The following IGSF9 variants were observed in gnomAD, a reference collection of about 807,000 sequenced individuals.
IGSF9 encodes protein turtle homolog A.
IGSF9 carries 87 observed loss-of-function variants against 121.7 expected under a neutral mutation model. The ratio of observed to expected loss-of-function variants is 0.71; its 90% CI spans 0.60 to 0.85. The LOEUF (loss-of-function observed/expected upper bound fraction) is 0.85. Among genes scored for constraint, IGSF9 ranks in the 40% least tolerant of loss-of-function variants. IGSF9 has a pLI of 0.00. For synonymous variants in IGSF9, 640 were observed against 648.4 expected (o/e 0.99, Z 0.20); for missense variants, 1,462 against 1,565.3 (o/e 0.93, Z 1.11).
chr1:159,943,186 G>T, intron 2 of IGSF9, 35 bp from the exon 3 acceptor site: 3 of 1,554,188 alleles, frequency 1.9e-6, no homozygotes, highest in Non-Finnish European at 1.7e-6. Context: ...ACAACGGGGG[G>T]CTAGGGTCAG....
At position 159,931,245 on chromosome 1, in the gene IGSF9, A is replaced by C; in HGVS notation, c.1530T>G (p.Val510=). The C allele has an allele frequency of 6.2e-7, 1 of 1,614,102 alleles. No individual in the cohort carries two copies. Among genetic ancestry groups the C allele is most frequent in the Non-Finnish European group, 8.5e-7 (1 of 1,179,952 alleles). The stretch of plus-strand genomic sequence containing the variant: ...AAGCCACCACGGACACATTGGTGAC[A>C]ACATGAGGGCTAGTGCCTAGGCAGG... The part of the protein sequence containing the change: ...NVYVLGTSPH[V]VTNVSVVALP... Residue 510 remains valine, a synonymous_variant, in exon 13 of 21, where the codon GTT becomes GTG. Transcript: ENST00000368094. The surrounding 1 kb of genome is among the most constrained non-coding windows in gnomAD (Gnocchi z 4.8).
intron 3 of IGSF9, among the ~76,000 whole-genome samples, chr1:159,942,339 C>T (rs924539403): frequency 5.3e-5 from 8 of 152,224 alleles, no homozygotes; most frequent in African/African-American, 1.9e-4. Flanking sequence ...CAGCCCCATC[C>T]AGTCACTGAC....
rs906876689 is a variant in IGSF9 at position 159,929,668 on chromosome 1, C to G, written c.2296G>C (p.Ala766Pro). ...CGGAGGCGCTTGCGGCGGCGGCGGGCAGCCCTGCGCCGGTTCAGGAGGCAG... is the reference window on the plus strand; with the variant it reads ...CGGAGGCGCTTGCGGCGGCGGCGGGGAGCCCTGCGCCGGTTCAGGAGGCAG... The part of the protein sequence containing the change: ...AGCLLNRRRA[A>P]RRRRKRLRQD... The change falls in exon 17 of 21, where the codon GCC becomes CCC. Residue 766 changes from alanine (A) to proline (P), a missense_variant. Physicochemically the swap from Ala to Pro is conservative, Grantham distance 27. Coordinates refer to ENST00000368094, the MANE Select transcript of IGSF9 (RefSeq NM_001135050.2). The G allele has an allele frequency of 6.3e-7, 1 of 1,594,194 alleles. No homozygotes were observed. The highest frequency in any genetic ancestry group is 8.5e-7 in the Non-Finnish European group (1 of 1,172,208).
At chr1:159,937,176 T>C (rs1220097697) in intron 4 of IGSF9, among the ~76,000 whole-genome samples, 3 of 152,150 alleles carry the variant, frequency 2.0e-5, no homozygotes, top group African/African-American at 7.2e-5. Flanking sequence ...GGAGGAGCAC[T>C]GTTCTGGGAG....
At position 159,928,294 on chromosome 1, in the gene IGSF9, A is replaced by C. The variant is rs1290013874; in HGVS notation, c.3094T>G (p.Ser1032Ala). 4.3e-6 allele frequency: 7 copies of C among 1,612,220 alleles called. No individual in the cohort carries two copies. Among genetic ancestry groups the C allele is most frequent in the African/African-American group, 1.3e-5 (1 of 74,832 alleles). The change falls in exon 19 of 21, where the codon TCG (serine) becomes GCG (alanine). Residue 1032 changes from serine (S) to alanine (A), a missense_variant. Transcript: ENST00000368094. Reference sequence around the variant, plus strand: ...GCTGTGGAGGGGGGCCGCAGGAACGAAGCGCTGCCTCGCCCACTGCTCTGG... The same window carrying C: ...GCTGTGGAGGGGGGCCGCAGGAACGCAGCGCTGCCTCGCCCACTGCTCTGG... The part of the protein sequence containing the change: ...TSQSSGRGSA[S>A]FLRPPSTAPS...
At chr1:159,934,362 G>C (rs770891554) in intron 8 of IGSF9, 30 bp from the exon 9 acceptor site, 30 of 1,570,924 alleles carry the variant, frequency 1.9e-5, no homozygotes, top group Non-Finnish European at 2.5e-5. Flanking sequence ...AGTTGGGGGA[G>C]AGGGGCTTGG....
rs779372319 is a variant in IGSF9 at position 159,932,510 on chromosome 1, A to T, written c.1245+2T>A. 10 of 1,613,752 alleles carry T rather than the reference A, an allele frequency of 6.2e-6. No individual in the cohort carries two copies. Among genetic ancestry groups the T allele is most frequent in the Non-Finnish European group, 8.5e-6 (10 of 1,179,842 alleles). On this transcript the variant is annotated splice_donor_variant, in intron 10 of 20. Transcript: ENST00000368094. LOFTEE classifies it high-confidence loss of function. This position sits in a 1 kb window ranked among gnomAD's most constrained non-coding sequence, Gnocchi z 4.1. ...CAGGCCCCCGCCCACCCCCGGCCTAACCTTGAGCAGCACGCGGGTCACAGG... is the reference window on the plus strand; with the variant it reads ...CAGGCCCCCGCCCACCCCCGGCCTATCCTTGAGCAGCACGCGGGTCACAGG...
At chr1:159,933,190 C>G (rs1240208139) in intron 9 of IGSF9, 1 of 153,128 alleles carries the variant, frequency 6.5e-6, no homozygotes, top group Non-Finnish European at 1.5e-5. Context: ...TAACTCTCAC[C>G]TGGGCCATTT....
Position 159,931,549 on chromosome 1 carries a change from G to A in IGSF9, c.1417C>T (p.Leu473=). 6.2e-7 allele frequency: 1 copy of A among 1,614,150 alleles called. No homozygotes were observed. The highest frequency in any genetic ancestry group is 1.3e-5 in the African/African-American group (1 of 75,052). ...AQVDSNSSLI[L]RPLTKEAHGH... ...TGGGCCTCCTTGGTCAATGGTCGCAGGATGAGGCTGCTGTTGCTGTCCACC... is the reference window on the plus strand; with the variant it reads ...TGGGCCTCCTTGGTCAATGGTCGCAAGATGAGGCTGCTGTTGCTGTCCACC... The change falls in exon 12 of 21, where the codon CTG becomes TTG. Residue 473 remains leucine, a synonymous_variant. Transcript: ENST00000368094. This position sits in a 1 kb window ranked among gnomAD's most constrained non-coding sequence, Gnocchi z 4.8.
rs768482955 is a variant in IGSF9 at position 159,929,690 on chromosome 1, G to GCAGC, written c.2270_2273dup (p.Cys758TrpfsTer43). The GCAGC allele has an allele frequency of 1.9e-6, 3 of 1,597,730 alleles. No individual in the cohort carries two copies. Among genetic ancestry groups the GCAGC allele is most frequent in the Non-Finnish European group, 2.6e-6 (3 of 1,173,702 alleles). On this transcript the variant is annotated frameshift_variant, in exon 17 of 21. Transcript: ENST00000368094. LOFTEE classifies it high-confidence loss of function. ...GGGCAGCCCTGCGCCGGTTCAGGAG[G>GCAGC]CAGCCGGCCAGGATGCTCACAAGGA... is the stretch of plus-strand genomic sequence containing the variant.
At position 159,934,556 on chromosome 1, in the gene IGSF9, C is replaced by T. The variant is rs754716697; in HGVS notation, c.830G>A (p.Arg277Gln). ...NVFHISRLQP[R>Q]VRILVDGSLR... is the part of the protein sequence containing the mutation. ...GCTCCCGTCCACCAGGATCCGCACC[C>T]GGGGCTGCAGGCGGCTGCAATGTGG... The change falls in exon 8 of 21, where the codon CGG (arginine) becomes CAG (glutamine). Residue 277 changes from arginine (R) to glutamine (Q), a missense_variant. Arg to Gln is a conservative substitution (Grantham distance 43). Transcript: ENST00000368094. 5.0e-6 allele frequency: 8 copies of T among 1,613,834 alleles called. No individual in the cohort carries two copies. The highest frequency in any genetic ancestry group is 1.3e-5 in the African/African-American group (1 of 75,046).
At position 159,931,123 on chromosome 1, in the gene IGSF9, G is replaced by A. The variant is rs372486209; in HGVS notation, c.1637+15C>T. ...CAAGATTGGCACAGAGAAATGGCAG[G>A]AGCAGGTCACTCACAGTGGGGTGTA... On this transcript the variant is annotated intron_variant, in intron 13 of 20. Coordinates refer to ENST00000368094, the MANE Select transcript of IGSF9 (RefSeq NM_001135050.2). This position sits in a 1 kb window ranked among gnomAD's most constrained non-coding sequence, Gnocchi z 4.8. The A allele has an allele frequency of 5.3e-5, 85 of 1,613,950 alleles. No individual in the cohort carries two copies. The highest frequency in any genetic ancestry group is 6.8e-5 in the Non-Finnish European group (80 of 1,179,994).
chr1:159,928,452 T>A lies in IGSF9; in HGVS notation c.2936A>T (p.Glu979Val), dbSNP rs1215775493. ...SPETPPVSPRESLPGAVVGAG... is the reference protein window; with the variant it reads ...SPETPPVSPRVSLPGAVVGAG... Reference sequence around the variant, plus strand: ...CCCTACCACAGCCCCAGGAAGTGATTCCCTGGGGGATACAGGAGGGGTTTC... The same window carrying A: ...CCCTACCACAGCCCCAGGAAGTGATACCCTGGGGGATACAGGAGGGGTTTC... The change falls in exon 19 of 21, where the codon GAA becomes GTA. Residue 979 changes from glutamate (E) to valine (V), a missense_variant. Physicochemically the swap from Glu to Val is moderately radical, Grantham distance 121 (BLOSUM62 -2). This residue lies in a region of IGSF9 where 808 missense variants were observed against 815.2 expected (regional missense o/e 0.99). Transcript: ENST00000368094. The A allele has an allele frequency of 6.3e-7, 1 of 1,597,460 alleles. No individual in the cohort carries two copies. The highest frequency in any genetic ancestry group is 1.7e-5 in the Admixed American group (1 of 57,896).
rs1465878518 is a variant in IGSF9 at position 159,931,670 on chromosome 1, C to T, written c.1363-67G>A. 10 of 1,563,482 alleles carry T rather than the reference C, an allele frequency of 6.4e-6. No individual in the cohort carries two copies. Among genetic ancestry groups the T allele is most frequent in the Non-Finnish European group, 8.7e-6 (10 of 1,147,240 alleles). On this transcript the variant is annotated intron_variant, in intron 11 of 20. Coordinates refer to ENST00000368094, the MANE Select transcript of IGSF9 (RefSeq NM_001135050.2). The surrounding 1 kb of genome is among the most constrained non-coding windows in gnomAD (Gnocchi z 4.8). ...CCCTCACCAAAGGCGCCCCTCATCTCTCCAGGCAGCTCCAGTTCCTCCCCA... is the reference window on the plus strand; with the variant it reads ...CCCTCACCAAAGGCGCCCCTCATCTTTCCAGGCAGCTCCAGTTCCTCCCCA...
chr1:159,929,738 T>C lies in IGSF9; in HGVS notation c.2226A>G (p.Gly742=). The change falls in exon 17 of 21, where the codon GGA becomes GGG. Residue 742 remains glycine (G), a synonymous_variant. Transcript: ENST00000368094. ...GGACGGCCACTCCCAGAAAGCAGAC[T>C]CCGCCCACCACGCCGGCCAGCACGG... ...PQPVLAGVVG[G]VCFLGVAVLV... 1 of 1,602,120 alleles carries C rather than the reference T, an allele frequency of 6.2e-7. No individual in the cohort carries two copies. Among genetic ancestry groups the C allele is most frequent in the Non-Finnish European group, 8.5e-7 (1 of 1,175,292 alleles).
chr1:159,939,099 C>T (rs576894266), intron 3 of IGSF9, among the ~76,000 whole-genome samples: 2 of 152,304 alleles, frequency 1.3e-5, no homozygotes, highest in East Asian at 3.9e-4. Context: ...CTGCTGTCCT[C>T]ACCTTTACAC....
intron 4 of IGSF9, 101 bp downstream of exon 4, chr1:159,937,585 G>A: frequency 1.5e-6 from 2 of 1,358,728 alleles, no homozygotes; most frequent in Non-Finnish European, 2.1e-6. Flanking sequence ...GCTGTTTGTG[G>A]GATGGAAATA....
In IGSF9 at chr1:159,927,809, G is replaced by A; in HGVS notation, c.3309C>T (p.His1103=). 1.9e-6 allele frequency: 3 copies of A among 1,613,932 alleles called. No homozygotes were observed. The highest frequency in any genetic ancestry group is 1.7e-6 in the Non-Finnish European group (2 of 1,179,982). Reference sequence around the variant, plus strand: ...TGAGCCGGGAGCTGGCCAAGCCCAGGTGCAAAGTCTCCAGCAATTCCATGT... The same window carrying A: ...TGAGCCGGGAGCTGGCCAAGCCCAGATGCAAAGTCTCCAGCAATTCCATGT... ...PGDMELLETL[H]LGLASSRLRP... is the part of the protein sequence containing the mutation. The change falls in exon 20 of 21, where the codon CAC becomes CAT. Residue 1103 remains histidine, a synonymous_variant. Transcript: ENST00000368094.
Position 159,936,744 on chromosome 1 carries a change from C to G in IGSF9, c.555+10G>C. 6.2e-7 allele frequency: 1 copy of G among 1,613,970 alleles called. No individual in the cohort carries two copies. The highest frequency in any genetic ancestry group is 8.5e-7 in the Non-Finnish European group (1 of 1,179,886). On this transcript the variant is annotated intron_variant, in intron 5 of 20. Coordinates refer to ENST00000368094, the MANE Select transcript of IGSF9 (RefSeq NM_001135050.2). ...CTATATGGCTCACTCTGTCCACCCC[C>G]AGGACTCACTTGCACCTGGCCCTGG...
Sources: gnomAD v4.1 joint callset for allele counts (sites outside exome capture counted in the v4.1 genomes callset) on GRCh38, gnomAD v4.1.1 for gene constraint, gnomAD v4.1.1 regional missense constraint, Gnocchi (gnomAD v3.1) non-coding constraint, MANE v1.5 for transcripts, NCBI Gene and HGNC (gene_info 2026-07-23, HGNC 2026-07-21) for gene names.